Variants in MRPL1 observed in about 807,000 individuals in gnomAD.
MRPL1 encodes the protein mitochondrial ribosomal protein L1.
MRPL1 carries 28 observed loss-of-function variants against 38.0 expected under a neutral mutation model. That is an observed-to-expected ratio of 0.74 (90% CI 0.55 to 1.01). The LOEUF (loss-of-function observed/expected upper bound fraction) is 1.01, where lower values mean the gene tolerates loss of function less well. Ranked by LOEUF, MRPL1 falls within the 50% of genes least tolerant of loss-of-function variation. The pLI, the probability that MRPL1 is intolerant of heterozygous loss-of-function variation, is 0.00. For synonymous variants in MRPL1, 123 were observed against 126.7 expected (o/e 0.97, Z 0.20); for missense variants, 358 against 389.8 (o/e 0.92, Z 0.69).
chr4:77,917,230 C>A (rs1055764106), intron 7 of MRPL1, among the ~76,000 whole-genome samples: 7 of 152,126 alleles, frequency 4.6e-5, no homozygotes, highest in African/African-American at 1.7e-4. Flanking sequence ...CTCCTATTGA[C>A]TCCTTTTACC....
At chr4:77,880,578 A>G (rs1735516271) in intron 2 of MRPL1, among the ~76,000 whole-genome samples, 1 of 145,812 alleles carries the variant, frequency 6.9e-6, no homozygotes, top group African/African-American at 2.6e-5. Flanking sequence ...AGGCATTATT[A>G]TTCTGACTAC....
Position 77,930,931 on chromosome 4 carries a change from AG to A in MRPL1, c.778-18861del, listed in dbSNP as rs541367483. Among the ~76,000 whole-genome samples the A allele has an allele frequency of 3.8e-3, 576 of 152,296 alleles. 4 individuals carry two copies. Among genetic ancestry groups the A allele is most frequent in the African/African-American group, 0.013 (550 of 41,566 alleles). The stretch of plus-strand genomic sequence containing the variant: ...ATGCCACTGGAGAGCTTTTTTGAAA[AG>A]GGGGAAAGACTCAATGACGAGACAG... On this transcript the variant is annotated intron_variant, in intron 7 of 8. Coordinates refer to ENST00000315567, the MANE Select transcript of MRPL1 (RefSeq NM_020236.4).
chr4:77,886,938 G>A (rs767598364), intron 4 of MRPL1, among the ~76,000 whole-genome samples: 2 of 151,592 alleles, frequency 1.3e-5, no homozygotes, highest in Non-Finnish European at 1.5e-5. Context: ...ACTTACAGGT[G>A]TGTGCCACCA....
At chr4:77,877,158 CCAA>C (rs1735414851) in intron 2 of MRPL1, among the ~76,000 whole-genome samples, 1 of 152,204 alleles carries the variant, frequency 6.6e-6, no homozygotes, top group African/African-American at 2.4e-5. Flanking sequence ...CCTTGGCCTC[CCAA>C]AGTGCTGGGA....
Position 77,871,856 on chromosome 4 carries a change from G to C in MRPL1, c.143+1G>C. 1 of 1,568,802 alleles carries C rather than the reference G, an allele frequency of 6.4e-7. No homozygotes were observed. The highest frequency in any genetic ancestry group is 8.7e-7 in the Non-Finnish European group (1 of 1,152,974). ...ACAGACATTTTGCTGCTGCTACAAA[G>C]TAAGTATTTTTTTTTAGTTATTATT... On this transcript the variant is annotated splice_donor_variant, in intron 2 of 8. Coordinates refer to ENST00000315567, the MANE Select transcript of MRPL1 (RefSeq NM_020236.4). LOFTEE classifies it high-confidence loss of function.
chr4:77,927,320 G>A (rs1250733903), intron 7 of MRPL1, among the ~76,000 whole-genome samples: 1 of 152,038 alleles, frequency 6.6e-6, no homozygotes, highest in African/African-American at 2.4e-5. Context: ...ATGTTTAAAT[G>A]TTTTCTTATA....
At chr4:77,921,019 A>T (rs555145131) in intron 7 of MRPL1, among the ~76,000 whole-genome samples, 1 of 152,152 alleles carries the variant, frequency 6.6e-6, no homozygotes, top group African/African-American at 2.4e-5. Context: ...GTCGCCTCCC[A>T]AAGTGTTAGG....
chr4:77,950,856 T>C (rs1203191469), intron 8 of MRPL1, among the ~76,000 whole-genome samples: 2 of 152,196 alleles, frequency 1.3e-5, no homozygotes, highest in African/African-American at 4.8e-5. Flanking sequence ...TTAAATGTTG[T>C]GATTCTCTTT....
chr4:77,920,375 A>G (rs1736540789), intron 7 of MRPL1, among the ~76,000 whole-genome samples: 1 of 152,200 alleles, frequency 6.6e-6, no homozygotes, highest in African/African-American at 2.4e-5. Context: ...ATTTTATCTT[A>G]GAACATTGGA....
intron 4 of MRPL1, among the ~76,000 whole-genome samples, 185 bp from the exon 5 acceptor site, chr4:77,887,035 C>T (rs1735694008): frequency 6.6e-6 from 1 of 151,968 alleles, no homozygotes; most frequent in Non-Finnish European, 1.5e-5. Flanking sequence ...GGGAACTATC[C>T]GCCTCAGCCT....
intron 1 of MRPL1, among the ~76,000 whole-genome samples, chr4:77,865,652 C>T (rs971502454): frequency 6.6e-6 from 1 of 152,162 alleles, no homozygotes; most frequent in African/African-American, 2.4e-5. Flanking sequence ...AGGCTCTGAG[C>T]CACTGCACCT....
rs571591548 is a variant in MRPL1 at position 77,906,947 on chromosome 4, T to A, written c.671-2319T>A. On this transcript the variant is annotated intron_variant, in intron 6 of 8. Coordinates refer to ENST00000315567, the MANE Select transcript of MRPL1 (RefSeq NM_020236.4). ...GTATATCCATTATCTCCCAATTAGA[T>A]TTTAAACTGCCTATGGGTAGTTGCT... 514 of 984,810 alleles carry A rather than the reference T, an allele frequency of 5.2e-4. 2 individuals are homozygous for A. The Middle Eastern group carries it at 6.8e-3, about 13-fold the overall frequency. The allele number at this position is 984,810 out of a possible 1,614,324, so 61.0% of individuals were successfully genotyped here.
At chr4:77,877,589 AT>A (rs58774105) in intron 2 of MRPL1, among the ~76,000 whole-genome samples, 1,466 of 113,420 alleles carry the variant, frequency 0.013, 12 homozygotes, top group African/African-American at 0.028. Flanking sequence ...GTTGGGAGGG[AT>A]TTTTTTTTTT....
chr4:77,900,201 G>T lies in MRPL1; in HGVS notation c.670+5951G>T, dbSNP rs115507889. 5.3e-3 allele frequency among the ~76,000 whole-genome samples: 811 copies of T among 152,250 alleles called. 7 individuals are homozygous for T. The highest frequency in any genetic ancestry group is 0.018 in the African/African-American group (763 of 41,564). On this transcript the variant is annotated intron_variant, in intron 6 of 8. Transcript: ENST00000315567. ...TTTAGGAGAAGCTATTCTTTTTCAT[G>T]TATTTATATATCACCTTCATAACTT...
At chr4:77,877,369 A>G (rs1461705040) in intron 2 of MRPL1, among the ~76,000 whole-genome samples, 2 of 150,662 alleles carry the variant, frequency 1.3e-5, no homozygotes, top group African/African-American at 4.9e-5. Context: ...TGTTGTTGCC[A>G]TGGTTACCAT....
chr4:77,932,977 G>A (rs1202515497), intron 7 of MRPL1, among the ~76,000 whole-genome samples: 1 of 152,060 alleles, frequency 6.6e-6, no homozygotes, highest in East Asian at 1.9e-4. Flanking sequence ...GTTTGCGACA[G>A]GTCTTGCTGT....
At chr4:77,951,808 G>A (rs1347317057) in intron 8 of MRPL1, among the ~76,000 whole-genome samples, 1 of 152,180 alleles carries the variant, frequency 6.6e-6, no homozygotes, top group African/African-American at 2.4e-5. Context: ...GTGAGTTAGT[G>A]TGTGGGTTGT....
rs1489857243 is a variant in MRPL1, at chr4:77,890,716, A to C, written c.559-3423A>C. Among the ~76,000 whole-genome samples the C allele has an allele frequency of 2.0e-5, 3 of 152,204 alleles. No homozygotes were observed. The East Asian group carries it at 5.8e-4, about 29-fold the overall frequency. On this transcript the variant is annotated intron_variant, in intron 5 of 8. Coordinates refer to ENST00000315567, the MANE Select transcript of MRPL1 (RefSeq NM_020236.4). ...ATTGTCTCTGTTTGCAGATGACACG[A>C]TTGTATATTTAGAAAACCCCATCGT... is the stretch of plus-strand genomic sequence containing the variant.
intron 7 of MRPL1, among the ~76,000 whole-genome samples, chr4:77,923,199 G>A (rs569599678): frequency 3.9e-5 from 6 of 152,100 alleles, no homozygotes; most frequent in African/African-American, 7.2e-5. Flanking sequence ...GAGTTCAAGC[G>A]ATTCTCCTGC....
Sources: allele counts gnomAD v4.1 joint callset (sites outside exome capture counted in the v4.1 genomes callset), GRCh38; gene constraint gnomAD v4.1.1; transcripts MANE v1.5; gene names NCBI Gene and HGNC (gene_info 2026-07-23, HGNC 2026-07-21).